Variants in MEAK7 observed in about 807,000 individuals in gnomAD.
MEAK7 encodes the protein MTOR associated protein MEAK7, also known as MTOR-associated protein MEAK7.
A neutral mutation model predicts 40.5 loss-of-function variants in MEAK7; 68 were observed. That is an observed-to-expected ratio of 1.68 (90% CI 1.38 to 2.06). The LOEUF is 2.06. Ranked by LOEUF, MEAK7 falls within the 30% of genes most tolerant of loss-of-function variation. MEAK7 has a pLI of 0.00. For missense variants in MEAK7, 918 were observed against 580.5 expected (o/e 1.58, Z -5.98); for synonymous variants, 338 against 231.9 (o/e 1.46, Z -4.16).
At chr16:84,503,036 C>T (rs1040056129) in intron 1 of MEAK7, among the ~76,000 whole-genome samples, 28 of 152,294 alleles carry the variant, frequency 1.8e-4, no homozygotes, top group East Asian at 5.8e-4. Context: ...ACCACTCATC[C>T]TTGATATTTG....
chr16:84,483,836 A>C (rs958343857), intron 5 of MEAK7, among the ~76,000 whole-genome samples: 6 of 152,160 alleles, frequency 3.9e-5, no homozygotes, highest in Admixed American at 2.6e-4. Flanking sequence ...AAGGTGTGGG[A>C]CAGGTACGGA....
At position 84,477,258 on chromosome 16, in the gene MEAK7, C is replaced by G. The variant is rs1425790635; in HGVS notation, c.*2655G>C. 1.3e-5 allele frequency: 2 copies of G among 152,008 alleles called. No individual in the cohort carries two copies. The highest frequency in any genetic ancestry group is 3.9e-4 in the East Asian group (2 of 5,170). The allele number at this position is 152,008 out of a possible 1,614,324, so 9.4% of individuals were successfully genotyped here. A position where few individuals can be genotyped will look rare whatever the true frequency, so the allele number is the denominator to read the frequency against. On this transcript the variant is annotated 3_prime_UTR_variant, in exon 8 of 8. Coordinates refer to ENST00000343629, the MANE Select transcript of MEAK7 (RefSeq NM_020947.4). ...CCAGGCTAGAGTGCAATGGCACGAT[C>G]TCGGCTCACCACAACCTCTGCCTCC...
At chr16:84,504,477 G>A (rs927218739) in intron 1 of MEAK7, 124 bp downstream of exon 1, 10 of 558,550 alleles carry the variant, frequency 1.8e-5, no homozygotes, top group Non-Finnish European at 2.3e-5. Context: ...GGCCTGAAGA[G>A]GCGTGGGAGG....
intron 4 of MEAK7, 71 bp downstream of exon 4, chr16:84,489,207 C>A (rs1308575451): frequency 3.9e-6 from 6 of 1,542,604 alleles, no homozygotes; most frequent in South Asian, 1.2e-5. Context: ...TACTACACAG[C>A]TACAGTAATG....
Position 84,480,239 on chromosome 16 carries a change from G to A in MEAK7, c.1258-213C>T, listed in dbSNP as rs549681327. Among the ~76,000 whole-genome samples, 21 of 152,256 alleles carry A rather than the reference G, an allele frequency of 1.4e-4. No individual in the cohort carries two copies. The South Asian group carries it at 2.9e-3, about 21-fold the overall frequency. On this transcript the variant is annotated intron_variant, in intron 7 of 7. Transcript: ENST00000343629. ...CAGGTGCAGAACCAGGGAAGCGGAA[G>A]GAACCCTAGACATTCCTCCTCTTGC...
intron 5 of MEAK7, among the ~76,000 whole-genome samples, chr16:84,485,693 T>A (rs1007547049): frequency 1.5e-4 from 23 of 152,182 alleles, no homozygotes; most frequent in African/African-American, 5.1e-4. Context: ...TATCTATCTA[T>A]CTATCTAGAG....
At chr16:84,486,590 G>T in intron 5 of MEAK7, 41 bp downstream of exon 5, 1 of 1,551,834 alleles carries the variant, frequency 6.4e-7, no homozygotes, top group Non-Finnish European at 8.7e-7. Context: ...CTCTTTGCCC[G>T]TGCTGTGCCA....
chr16:84,489,233 G>A lies in MEAK7; in HGVS notation c.529+45C>T, dbSNP rs764634278. 9.6e-5 allele frequency: 153 copies of A among 1,600,760 alleles called. 1 individual carries two copies. The highest frequency in any genetic ancestry group is 3.1e-4 in the East Asian group (14 of 44,602). On this transcript the variant is annotated intron_variant, in intron 4 of 7. Transcript: ENST00000343629. ...TACAGTAATGGAGACAGCAGGTACCGCTCTACAGCAAAAGACCTGCATCAC... is the reference window on the plus strand; with the variant it reads ...TACAGTAATGGAGACAGCAGGTACCACTCTACAGCAAAAGACCTGCATCAC...
At chr16:84,504,254 C>T (rs562157700) in intron 1 of MEAK7, 2 of 676,476 alleles carry the variant, frequency 3.0e-6, no homozygotes, top group South Asian at 1.3e-4. Context: ...GCACCCCTCC[C>T]TTTCCGCGTC....
At chr16:84,498,229 A>T in intron 1 of MEAK7, 118 bp from the exon 2 acceptor site, 3 of 1,215,626 alleles carry the variant, frequency 2.5e-6, no homozygotes, top group Middle Eastern at 2.4e-4. Flanking sequence ...AATGTAGCTA[A>T]AACACATCAG....
intron 2 of MEAK7, chr16:84,497,054 G>C (rs942341162): frequency 6.4e-6 from 1 of 157,324 alleles, no homozygotes; most frequent in African/African-American, 2.4e-5. Flanking sequence ...TTGGTTTTTT[G>C]TTTGTTTGTT....
rs185506180 is a variant in MEAK7 at position 84,476,613 on chromosome 16, C to G, written c.*3300G>C. On this transcript the variant is annotated 3_prime_UTR_variant, in exon 8 of 8. Coordinates refer to ENST00000343629, the MANE Select transcript of MEAK7 (RefSeq NM_020947.4). ...TGTTCCCCAGCTGCAGACGGTGGAA[C>G]GCTAGGCCCGAGAGCATCCATATGG... is the stretch of plus-strand genomic sequence containing the variant. The G allele has an allele frequency of 6.6e-6, 1 of 152,130 alleles. No homozygotes were observed. The highest frequency in any genetic ancestry group is 1.5e-5 in the Non-Finnish European group (1 of 68,028). 9.4% of individuals were successfully genotyped at this position (152,130 alleles called of 1,614,324 possible). A position where few individuals can be genotyped will look rare whatever the true frequency, so the allele number is the denominator to read the frequency against.
At chr16:84,498,225 G>A in intron 1 of MEAK7, 114 bp from the exon 2 acceptor site, 2 of 1,249,568 alleles carry the variant, frequency 1.6e-6, no homozygotes, top group Non-Finnish European at 2.2e-6. Context: ...ACAAAATGTA[G>A]CTAAAACACA....
chr16:84,483,660 T>C (rs1912775437), intron 5 of MEAK7, among the ~76,000 whole-genome samples: 1 of 151,918 alleles, frequency 6.6e-6, no homozygotes, highest in African/African-American at 2.4e-5. Context: ...GTCTGTAGAG[T>C]GTGGGCTGAC....
intron 3 of MEAK7, among the ~76,000 whole-genome samples, chr16:84,491,868 CAG>C (rs1913647811): frequency 6.6e-6 from 1 of 151,164 alleles, no homozygotes; most frequent in African/African-American, 2.4e-5. Context: ...AAAAAGAAAA[CAG>C]ATTTAAATTT....
chr16:84,482,736 A>G, intron 5 of MEAK7, 26 bp from the exon 6 acceptor site: 1 of 1,613,218 alleles, frequency 6.2e-7, no homozygotes, highest in African/African-American at 1.3e-5. Flanking sequence ...GAACAAAACA[A>G]ACAGGGTCGG....
At chr16:84,495,976 GTTA>G (rs1914015271) in intron 2 of MEAK7, 63 bp from the exon 3 acceptor site, 2 of 1,565,974 alleles carry the variant, frequency 1.3e-6, no homozygotes, top group African/African-American at 2.7e-5. Context: ...GTTACTAGGA[GTTA>G]TTATTTTAGG....
In MEAK7 at chr16:84,477,194, C is replaced by CA. The variant is rs1555510752; in HGVS notation, c.*2718_*2719insT. ...ACAGGCGTGAGCCATCACACCCAGC[C>CA]TTTTTTTTTTTCTTGAAACGGAGTT... On this transcript the variant is annotated 3_prime_UTR_variant, in exon 8 of 8. Coordinates refer to ENST00000343629, the MANE Select transcript of MEAK7 (RefSeq NM_020947.4). The CA allele has an allele frequency of 4.8e-5, 7 of 146,342 alleles. No individual in the cohort carries two copies. Among genetic ancestry groups the CA allele is most frequent in the South Asian group, 2.2e-4 (1 of 4,594 alleles). 9.1% of individuals were successfully genotyped at this position (146,342 alleles called of 1,614,324 possible).
intron 3 of MEAK7, among the ~76,000 whole-genome samples, chr16:84,491,156 G>C (rs557301063): frequency 6.6e-6 from 1 of 152,322 alleles, no homozygotes; most frequent in East Asian, 1.9e-4. Flanking sequence ...ACAGAAGTAG[G>C]GGGCTGGGCG....
Sources: gnomAD v4.1 joint callset for allele counts (sites outside exome capture counted in the v4.1 genomes callset) on GRCh38, gnomAD v4.1.1 for gene constraint, MANE v1.5 for transcripts, NCBI Gene and HGNC (gene_info 2026-07-23, HGNC 2026-07-21) for gene names.